The following GFRA4 variants were observed in gnomAD, a reference collection of about 807,000 sequenced individuals.
GFRA4 encodes the protein GDNF family receptor alpha-4.
A neutral mutation model predicts 28.5 loss-of-function variants in GFRA4; 31 were observed. That is an observed-to-expected ratio of 1.09 (90% CI 0.82 to 1.47). GFRA4 has a LOEUF of 1.47. GFRA4 is among the 40% of genes most tolerant of loss of function. The pLI, the probability that GFRA4 is intolerant of heterozygous loss-of-function variation, is 0.00. For synonymous variants in GFRA4, 188 were observed against 188.0 expected (o/e 1.00, Z 0.00); for missense variants, 389 against 413.2 (o/e 0.94, Z 0.51).
At chr20:3,661,857 C>G (rs2087228046) in intron 1 of GFRA4, among the ~76,000 whole-genome samples, 1 of 152,190 alleles carries the variant, frequency 6.6e-6, no homozygotes, top group Non-Finnish European at 1.5e-5. Flanking sequence ...TTCCTGACCT[C>G]CTGCTCCTCC....
At chr20:3,660,705 G>A in intron 3 of GFRA4, 45 bp from the exon 4 acceptor site, 15 of 1,517,378 alleles carry the variant, frequency 9.9e-6, no homozygotes, top group Non-Finnish European at 1.2e-5. Context: ...CCCGGGCGGA[G>A]ATATCCCCTG....
At chr20:3,663,297 A>C (rs2087242225) in intron 1 of GFRA4, 57 bp downstream of exon 1, 2 of 1,558,426 alleles carry the variant, frequency 1.3e-6, no homozygotes, top group Admixed American at 3.7e-5. Flanking sequence ...CTTGTCACTG[A>C]GGAGCAGGGA....
At position 3,660,613 on chromosome 20, in the gene GFRA4, C is replaced by T. The variant is rs1015943871; in HGVS notation, c.550G>A (p.Ala184Thr). 2 of 1,551,064 alleles carry T rather than the reference C, an allele frequency of 1.3e-6. No homozygotes were observed. The highest frequency in any genetic ancestry group is 2.0e-5 in the Admixed American group (1 of 51,176). The change falls in exon 4 of 6, where the codon GCG (alanine) becomes ACG (threonine). Residue 184 changes from alanine to threonine, a missense_variant. Ala to Thr is a moderately conservative substitution (Grantham distance 58). Coordinates refer to ENST00000290417, the MANE Select transcript of GFRA4 (RefSeq NM_022139.4). The stretch of plus-strand genomic sequence containing the variant: ...CTGGCTCCGCAGTCGCACCAGGGCG[C>T]CACGCGCGCGCTCACGTTGTCCACG... ...NYVDNVSARV[A>T]PWCDCGASGN... is the part of the protein sequence containing the mutation.
Position 3,663,386 on chromosome 20 carries a change from A to T in GFRA4, c.14T>A (p.Leu5Gln). ...CAGCAGCAGCAGCAGCGCAGGCCCC[A>T]GGCAGCGGACCATGCTGGACCTTCA... Reference protein sequence around the residue: MVRCLGPALLLLLLL... With the variant: MVRCQGPALLLLLLL... Residue 5 changes from leucine (L) to glutamine (Q), a missense_variant, in exon 1 of 6, where the codon CTG (leucine) becomes CAG (glutamine). Physicochemically the swap from Leu to Gln is moderately radical, Grantham distance 113 (BLOSUM62 -2). Coordinates refer to ENST00000290417, the MANE Select transcript of GFRA4 (RefSeq NM_022139.4). The T allele has an allele frequency of 1.9e-6, 3 of 1,610,862 alleles. No individual in the cohort carries two copies. Among genetic ancestry groups the T allele is most frequent in the Non-Finnish European group, 2.5e-6 (3 of 1,179,240 alleles).
chr20:3,661,594 C>T (rs1265643911), intron 1 of GFRA4, among the ~76,000 whole-genome samples: 2 of 152,138 alleles, frequency 1.3e-5, no homozygotes, highest in South Asian at 2.1e-4. Flanking sequence ...CGGCCACACA[C>T]GTCCAAAGAC....
Position 3,659,929 on chromosome 20 carries a change from C to T in GFRA4, c.790G>A (p.Ala264Thr), listed in dbSNP as rs1195585796. 4 of 1,597,104 alleles carry T rather than the reference C, an allele frequency of 2.5e-6. No homozygotes were observed. In the South Asian group the frequency reaches 4.6e-5, roughly 18 times the overall value. Residue 264 changes from alanine (A) to threonine (T), a missense_variant, in exon 6 of 6, where the codon GCT becomes ACT. By Grantham distance (58) the Ala-to-Thr change is moderately conservative. Coordinates refer to ENST00000290417, the MANE Select transcript of GFRA4 (RefSeq NM_022139.4). ...CCTAATCAGAGCAGGGCCGGGAGAG[C>T]CAGGACAGGAAGTATGGAGAGCAGG... ...RSLLSILPVL[A>T]LPALL
intron 5 of GFRA4, 61 bp from the exon 6 acceptor site, chr20:3,660,050 AC>A: frequency 1.3e-6 from 2 of 1,514,388 alleles, no homozygotes; most frequent in Non-Finnish European, 1.8e-6. Flanking sequence ...CTCTGCCTGC[AC>A]CCCCACCCCA....
chr20:3,663,143 G>A (rs2087240379), intron 1 of GFRA4, among the ~76,000 whole-genome samples: 1 of 152,108 alleles, frequency 6.6e-6, no homozygotes, highest in African/African-American at 2.4e-5. Flanking sequence ...GGGGGATGGC[G>A]GTGGTGGCTT....
chr20:3,660,734 C>T (rs906231917), intron 3 of GFRA4, 21 bp downstream of exon 3: 1 of 1,442,868 alleles, frequency 6.9e-7, no homozygotes, highest in African/African-American at 1.5e-5. Flanking sequence ...CCGCCCTCGC[C>T]CGGATCCCGG....
rs1373553126 is a variant in GFRA4, at chr20:3,661,012, C to G, written c.324G>C (p.Ser108=). 40 of 1,465,240 alleles carry G rather than the reference C, an allele frequency of 2.7e-5. No individual in the cohort carries two copies. Among genetic ancestry groups the G allele is most frequent in the Non-Finnish European group, 3.5e-5 (39 of 1,116,184 alleles). The allele number at this position is 1,465,240 out of a possible 1,614,324, so 90.8% of individuals were successfully genotyped here. A position where few individuals can be genotyped will look rare whatever the true frequency, so the allele number is the denominator to read the frequency against. Residue 108 remains serine, a synonymous_variant, in exon 2 of 6, where the codon TCG becomes TCC. Coordinates refer to ENST00000290417, the MANE Select transcript of GFRA4 (RefSeq NM_022139.4). ...RQTFVPSCAF[S]GPGPAPPSCL... ...AGGAGGGCGGCGCGGGGCCGGGCCC[C>G]GAAAAGGCGCAGGAGGGCACGAAGG...
At position 3,659,708 on chromosome 20, in the gene GFRA4, A is replaced by G; in HGVS notation, c.*201T>C. 1.7e-6 allele frequency: 1 copy of G among 588,768 alleles called. No homozygotes were observed. The highest frequency in any genetic ancestry group is 2.0e-5 in the South Asian group (1 of 49,630). The allele number at this position is 588,768 out of a possible 1,614,324, so 36.5% of individuals were successfully genotyped here. A position where few individuals can be genotyped will look rare whatever the true frequency, so the allele number is the denominator to read the frequency against. On this transcript the variant is annotated 3_prime_UTR_variant, in exon 6 of 6. Transcript: ENST00000290417. ...CTCCTGACAGGGAGACGGGGGCTTT[A>G]CAGTCAGGCCCCAGCCTACATCCCT...
At chr20:3,662,823 C>G (rs986992030) in intron 1 of GFRA4, among the ~76,000 whole-genome samples, 1 of 152,208 alleles carries the variant, frequency 6.6e-6, no homozygotes. Flanking sequence ...CACCCTTGCC[C>G]AGAACACCCT....
Position 3,661,020 on chromosome 20 carries a change from C to T in GFRA4, c.316G>A (p.Ala106Thr). ...RRRQTFVPSC[A>T]FSGPGPAPPS... ...GGCGCGGGGCCGGGCCCCGAAAAGG[C>T]GCAGGAGGGCACGAAGGTCTGGCGC... Residue 106 changes from alanine (A) to threonine (T), a missense_variant, in exon 2 of 6, where the codon GCC becomes ACC. Transcript: ENST00000290417. 6.8e-7 allele frequency: 1 copy of T among 1,465,376 alleles called. No individual in the cohort carries two copies. Among genetic ancestry groups the T allele is most frequent in the Non-Finnish European group, 9.0e-7 (1 of 1,116,170 alleles). The allele number at this position is 1,465,376 out of a possible 1,614,324, so 90.8% of individuals were successfully genotyped here.
At chr20:3,661,324 G>A (rs981583423) in intron 1 of GFRA4, 35 bp from the exon 2 acceptor site, 88 of 1,416,036 alleles carry the variant, frequency 6.2e-5, no homozygotes, top group Non-Finnish European at 7.8e-5. Flanking sequence ...AGGTCTCAGT[G>A]CGCCCCGCAT....
At chr20:3,661,797 C>A (rs951024741) in intron 1 of GFRA4, among the ~76,000 whole-genome samples, 3 of 152,200 alleles carry the variant, frequency 2.0e-5, no homozygotes, top group African/African-American at 7.2e-5. Context: ...CGCTTATCCT[C>A]CACCATGGAG....
chr20:3,660,246 C>T lies in GFRA4; in HGVS notation c.641G>A (p.Gly214Asp). Residue 214 changes from glycine to aspartate, a missense_variant, in exon 5 of 6, where the codon GGT becomes GAT. Transcript: ENST00000290417. ...CCCGCTGGCAAAGGCCTGAATGGCA[C>T]CATCTATGGAGGGAGGGGTCCAGGG... Reference protein sequence around the residue: ...GLFTRNRCLDGAIQAFASGWP... With the variant: ...GLFTRNRCLDDAIQAFASGWP... 6.2e-7 allele frequency: 1 copy of T among 1,604,582 alleles called. No homozygotes were observed.
At position 3,659,548 on chromosome 20, in the gene GFRA4, G is replaced by T; in HGVS notation, c.*361C>A. 3.3e-5 allele frequency: 10 copies of T among 302,548 alleles called. No homozygotes were observed. The South Asian group carries it at 4.1e-4, about 12-fold the overall frequency. The allele number at this position is 302,548 out of a possible 1,614,324, so 18.7% of individuals were successfully genotyped here. On this transcript the variant is annotated 3_prime_UTR_variant, in exon 6 of 6. Transcript: ENST00000290417. ...TCCTAGAATTCTGGGATTCTGGATG[G>T]TCTCTGACCTGCTCTAGGGGATCTG...
intron 1 of GFRA4, 113 bp downstream of exon 1, chr20:3,663,241 A>T: frequency 1.5e-6 from 2 of 1,325,904 alleles, no homozygotes; most frequent in Non-Finnish European, 2.1e-6. Context: ...CTCACTGGCA[A>T]CCCTTCCTGT....
In GFRA4 at chr20:3,659,773, A is replaced by G. The variant is rs1453955565; in HGVS notation, c.*136T>C. ...GCACACAGGGTGTCCAAACCTACAA[A>G]GGGCAGCGGAGTGAAAGCACCAGGG... On this transcript the variant is annotated 3_prime_UTR_variant, in exon 6 of 6. Coordinates refer to ENST00000290417, the MANE Select transcript of GFRA4 (RefSeq NM_022139.4). 2.5e-6 allele frequency: 2 copies of G among 802,718 alleles called. No homozygotes were observed. The highest frequency in any genetic ancestry group is 4.0e-6 in the Non-Finnish European group (2 of 499,402). 49.7% of individuals were successfully genotyped at this position (802,718 alleles called of 1,614,324 possible).
Sources: allele counts gnomAD v4.1 joint callset (sites outside exome capture counted in the v4.1 genomes callset), GRCh38; gene constraint gnomAD v4.1.1; transcripts MANE v1.5; gene names NCBI Gene and HGNC (gene_info 2026-07-23, HGNC 2026-07-21).